SCHIP1: variants seen among roughly 807,000 people sequenced by gnomAD.
SCHIP1 encodes schwannomin interacting protein 1.
Under a neutral mutation model 29.7 loss-of-function variants are expected in SCHIP1, and 8 were observed. The ratio of observed to expected loss-of-function variants is 0.27; its 90% confidence interval spans 0.16 to 0.49. SCHIP1 has a LOEUF of 0.49. Ranked by LOEUF, SCHIP1 falls within the 20% of genes least tolerant of loss-of-function variation. The pLI is 0.99. For missense variants in SCHIP1, 193 were observed against 294.6 expected (o/e 0.66, Z 2.52); for synonymous variants, 76 against 94.9 (o/e 0.80, Z 1.16).
At chr3:159,682,696 C>G in the SCHIP1 span, among the ~76,000 whole-genome samples, 6 of 152,274 alleles carry the variant, frequency 3.9e-5, no homozygotes, top group East Asian at 1.2e-3. Flanking sequence ...GAGCTTGGCC[C>G]TACCTGATCT....
chr3:159,845,238 T>C (rs1314296769), intron 1 of SCHIP1, among the ~76,000 whole-genome samples: 1 of 152,226 alleles, frequency 6.6e-6, no homozygotes, highest in African/African-American at 2.4e-5. Flanking sequence ...AAGGCTCAAA[T>C]GCCACCTCCT....
At chr3:159,424,869 A>G in the SCHIP1 span, among the ~76,000 whole-genome samples, 12 of 151,500 alleles carry the variant, frequency 7.9e-5, no homozygotes, top group African/African-American at 2.9e-4. Flanking sequence ...AAGCCAGAAG[A>G]GAGTGGGGGC....
the SCHIP1 span, among the ~76,000 whole-genome samples, chr3:159,552,709 A>G: frequency 1.3e-5 from 2 of 152,210 alleles, no homozygotes; most frequent in East Asian, 1.9e-4. Context: ...AAGGAAAATT[A>G]CTTTTCTAAA....
the SCHIP1 span, among the ~76,000 whole-genome samples, chr3:159,294,118 CATG>C: frequency 6.6e-6 from 1 of 152,092 alleles, no homozygotes; most frequent in Non-Finnish European, 1.5e-5. Context: ...TCTACACAAA[CATG>C]ATAAGGAGGT....
the SCHIP1 span, among the ~76,000 whole-genome samples, chr3:159,545,322 T>C: frequency 2.0e-5 from 3 of 151,924 alleles, no homozygotes; most frequent in East Asian, 5.8e-4. Context: ...CAACTTTAAT[T>C]TGAGTGGGCA....
At chr3:159,491,386 A>T in the SCHIP1 span, among the ~76,000 whole-genome samples, 1 of 152,232 alleles carries the variant, frequency 6.6e-6, no homozygotes, top group East Asian at 1.9e-4. Flanking sequence ...GGCACCTGGA[A>T]CATCGGGTCA....
the SCHIP1 span, among the ~76,000 whole-genome samples, chr3:159,507,595 C>A: frequency 6.6e-6 from 1 of 152,112 alleles, no homozygotes; most frequent in Non-Finnish European, 1.5e-5. Context: ...ATGATATTGG[C>A]TGTGGGTTTG....
the SCHIP1 span, among the ~76,000 whole-genome samples, chr3:159,432,290 G>A: frequency 8.3e-5 from 4 of 47,962 alleles, no homozygotes; most frequent in African/African-American, 5.6e-4. Context: ...TAGGTGATGT[G>A]TGTGTGTGTG....
At chr3:159,454,933 A>G in the SCHIP1 span, among the ~76,000 whole-genome samples, 1 of 152,224 alleles carries the variant, frequency 6.6e-6, no homozygotes, top group African/African-American at 2.4e-5. Context: ...TTTAAAATAG[A>G]TCACTATTTA....
At chr3:159,589,127 C>T in the SCHIP1 span, among the ~76,000 whole-genome samples, 1 of 152,074 alleles carries the variant, frequency 6.6e-6, no homozygotes, top group Non-Finnish European at 1.5e-5. Flanking sequence ...CATTTGTGTC[C>T]TGTTTTATTT....
At chr3:159,436,005 G>C in the SCHIP1 span, among the ~76,000 whole-genome samples, 2 of 152,148 alleles carry the variant, frequency 1.3e-5, no homozygotes, top group Admixed American at 6.6e-5. Context: ...AACCTCCTAA[G>C]TGTGTGTCTT....
At chr3:159,699,440 A>G in the SCHIP1 span, among the ~76,000 whole-genome samples, 1 of 152,198 alleles carries the variant, frequency 6.6e-6, no homozygotes, top group Non-Finnish European at 1.5e-5. Context: ...GAGTGAACCC[A>G]GTAGAAGCAG....
chr3:159,476,302 A>G, the SCHIP1 span, among the ~76,000 whole-genome samples: 1 of 152,148 alleles, frequency 6.6e-6, no homozygotes, highest in African/African-American at 2.4e-5. Context: ...TGCCATTGAT[A>G]TGATCTTGAG....
At chr3:159,614,325 A>C in the SCHIP1 span, among the ~76,000 whole-genome samples, 2 of 152,178 alleles carry the variant, frequency 1.3e-5, no homozygotes, top group Non-Finnish European at 2.9e-5. Flanking sequence ...AAAGGCCATA[A>C]TTTCTTTGGC....
chr3:159,369,019 C>A, the SCHIP1 span, among the ~76,000 whole-genome samples: 1 of 152,162 alleles, frequency 6.6e-6, no homozygotes, highest in Non-Finnish European at 1.5e-5. Context: ...TTTGGACAAG[C>A]AATGTAAGAG....
the SCHIP1 span, among the ~76,000 whole-genome samples, chr3:159,456,414 C>T: frequency 8.5e-5 from 13 of 152,168 alleles, no homozygotes; most frequent in South Asian, 4.1e-4. Context: ...TTTGGAAAGA[C>T]GAACAAAATT....
the SCHIP1 span, among the ~76,000 whole-genome samples, chr3:159,751,549 CT>C: frequency 1.1e-3 from 165 of 145,554 alleles, no homozygotes; most frequent in African/African-American, 1.4e-3. Flanking sequence ...ACAATTATTT[CT>C]TTTTTTTTTT....
the SCHIP1 span, among the ~76,000 whole-genome samples, chr3:159,613,809 T>C: frequency 6.6e-6 from 1 of 152,228 alleles, no homozygotes; most frequent in African/African-American, 2.4e-5. Flanking sequence ...TCATTTTTGC[T>C]CATTTATCTA....
At chr3:159,335,103 T>C in the SCHIP1 span, among the ~76,000 whole-genome samples, 1 of 152,080 alleles carries the variant, frequency 6.6e-6, no homozygotes, top group African/African-American at 2.4e-5. Flanking sequence ...CTTCACCATG[T>C]TGGCCAGGCT....
Sources: allele counts gnomAD v4.1 joint callset (sites outside exome capture counted in the v4.1 genomes callset), GRCh38; gene constraint gnomAD v4.1.1; transcripts MANE v1.5; gene names NCBI Gene and HGNC (gene_info 2026-07-23, HGNC 2026-07-21).